The following MYRIP variants were observed in gnomAD, a reference collection of about 807,000 sequenced individuals.
MYRIP encodes the protein myosin VIIA and Rab interacting protein.
MYRIP carries 49 observed loss-of-function variants against 98.0 expected under a neutral mutation model. The ratio of observed to expected loss-of-function variants is 0.50; its 90% confidence interval spans 0.40 to 0.63. The LOEUF (loss-of-function observed/expected upper bound fraction) is 0.63, where lower values mean the gene tolerates loss of function less well. Ranked by LOEUF, MYRIP falls within the 30% of genes least tolerant of loss-of-function variation. MYRIP has a pLI of 0.00. For synonymous variants in MYRIP, 404 were observed against 409.5 expected, an observed-to-expected ratio of 0.99 and a Z score of 0.16; for missense variants, 1,004 against 1,058.2, an observed-to-expected ratio of 0.95 and a Z score of 0.71.
rs1311652858 is a variant in MYRIP, at chr3:39,872,267, C to T, written c.-30-28520C>T. 4.0e-5 allele frequency among the ~76,000 whole-genome samples: 6 copies of T among 151,678 alleles called. No individual in the cohort carries two copies. The South Asian group carries it at 1.3e-3, about 32-fold the overall frequency. On this transcript the variant is annotated intron_variant, in intron 1 of 16. Coordinates refer to ENST00000302541, the MANE Select transcript of MYRIP (RefSeq NM_015460.4). ...TACGCTTTCGGTCTGATTTTTCTTT[C>T]TTTCTTTTTTTTAAAGATCATTGTC...
chr3:40,023,610 C>T (rs1173122024), intron 2 of MYRIP, among the ~76,000 whole-genome samples: 1 of 152,124 alleles, frequency 6.6e-6, no homozygotes, highest in Non-Finnish European at 1.5e-5. Context: ...GAATGTAAAG[C>T]CGAAAAATGA....
At chr3:39,931,275 AT>A (rs925373636) in intron 2 of MYRIP, among the ~76,000 whole-genome samples, 1 of 151,384 alleles carries the variant, frequency 6.6e-6, no homozygotes, top group African/African-American at 2.4e-5. Context: ...ATACTCAGGT[AT>A]TTTTTTTCTT....
chr3:40,088,742 C>T (rs1948680850), intron 3 of MYRIP, among the ~76,000 whole-genome samples: 1 of 152,158 alleles, frequency 6.6e-6, no homozygotes, highest in Non-Finnish European at 1.5e-5. Flanking sequence ...GGGCCCAGCC[C>T]CCAGAGGGCT....
intron 2 of MYRIP, among the ~76,000 whole-genome samples, chr3:39,907,188 C>G (rs1671648358): frequency 6.6e-6 from 1 of 152,184 alleles, no homozygotes; most frequent in African/African-American, 2.4e-5. Flanking sequence ...TTCTGTGTAT[C>G]TGGCAGACAA....
chr3:40,035,189 A>G (rs1248746989), intron 2 of MYRIP, among the ~76,000 whole-genome samples: 1 of 151,778 alleles, frequency 6.6e-6, no homozygotes, highest in African/African-American at 2.4e-5. Context: ...AAACCTGCAC[A>G]TTGTGCACAT....
At chr3:39,846,687 C>G (rs1941975082) in intron 1 of MYRIP, among the ~76,000 whole-genome samples, 1 of 152,162 alleles carries the variant, frequency 6.6e-6, no homozygotes, top group Admixed American at 6.5e-5. Context: ...TAAATCCTTT[C>G]CTCTAATTCT....
At chr3:40,020,607 T>A (rs901613544) in intron 2 of MYRIP, among the ~76,000 whole-genome samples, 7 of 152,134 alleles carry the variant, frequency 4.6e-5, no homozygotes, top group Non-Finnish European at 1.0e-4. Context: ...TACTAGGAAA[T>A]CATAAGGTTT....
intron 4 of MYRIP, among the ~76,000 whole-genome samples, chr3:40,160,159 G>C (rs963909733): frequency 1.6e-4 from 25 of 152,320 alleles, no homozygotes; most frequent in Middle Eastern, 6.8e-3. Flanking sequence ...TGGTGATGTA[G>C]AGATGGGTTT....
chr3:40,182,677 C>T (rs987902614), intron 9 of MYRIP, among the ~76,000 whole-genome samples: 18 of 152,150 alleles, frequency 1.2e-4, no homozygotes, highest in Non-Finnish European at 1.6e-4. Context: ...AGTGTGTTCA[C>T]ATCACTCCAC....
chr3:39,918,371 C>T (rs1456591234), intron 2 of MYRIP, among the ~76,000 whole-genome samples: 1 of 152,170 alleles, frequency 6.6e-6, no homozygotes, highest in Non-Finnish European at 1.5e-5. Context: ...TGCCAGAGGA[C>T]CCTCTTCCCT....
intron 3 of MYRIP, among the ~76,000 whole-genome samples, chr3:40,084,136 C>CAAAAA (rs753167019): frequency 2.4e-4 from 13 of 55,074 alleles, no homozygotes; most frequent in African/African-American, 1.0e-3. Flanking sequence ...GACTCCATCT[C>CAAAAA]AAAAAAAAAA....
At chr3:39,928,293 T>G (rs1051327979) in intron 2 of MYRIP, among the ~76,000 whole-genome samples, 4 of 151,072 alleles carry the variant, frequency 2.6e-5, no homozygotes, top group Non-Finnish European at 4.4e-5. Context: ...GCAGAAAATA[T>G]AGGAGGGACT....
intron 2 of MYRIP, among the ~76,000 whole-genome samples, chr3:39,940,183 A>G (rs1944753509): frequency 6.6e-6 from 1 of 152,014 alleles, no homozygotes; most frequent in African/African-American, 2.4e-5. Flanking sequence ...ACACAATGAT[A>G]TCATTAGCTA....
intron 2 of MYRIP, among the ~76,000 whole-genome samples, chr3:39,916,408 CAAAA>C (rs34541190): frequency 1.4e-5 from 2 of 143,456 alleles, no homozygotes; most frequent in Non-Finnish European, 3.1e-5. Flanking sequence ...ATATTGAGAA[CAAAA>C]AAAAAAAAAT....
intron 9 of MYRIP, among the ~76,000 whole-genome samples, chr3:40,183,503 C>A (rs1026982755): frequency 6.6e-6 from 1 of 152,168 alleles, no homozygotes; most frequent in Non-Finnish European, 1.5e-5. Flanking sequence ...AGTCATTTTC[C>A]TAAAGTCTCA....
chr3:40,218,847 C>T (rs1464258675), intron 11 of MYRIP, among the ~76,000 whole-genome samples: 1 of 151,650 alleles, frequency 6.6e-6, no homozygotes, highest in Non-Finnish European at 1.5e-5. Context: ...ATATATTTAA[C>T]AGATTTCCAA....
chr3:39,873,436 T>A (rs549048405), intron 1 of MYRIP, among the ~76,000 whole-genome samples: 2 of 152,208 alleles, frequency 1.3e-5, no homozygotes, highest in African/African-American at 2.4e-5. Context: ...TGAATGGTAA[T>A]GCCTAGGTTT....
At chr3:40,204,910 AT>A (rs1951751670) in intron 10 of MYRIP, among the ~76,000 whole-genome samples, 1 of 152,114 alleles carries the variant, frequency 6.6e-6, no homozygotes, top group Non-Finnish European at 1.5e-5. Context: ...TCCTGCTCCA[AT>A]AGAAGCCAGC....
At chr3:40,074,773 A>G (rs1041031819) in intron 3 of MYRIP, among the ~76,000 whole-genome samples, 2 of 152,214 alleles carry the variant, frequency 1.3e-5, no homozygotes, top group African/African-American at 2.4e-5. Context: ...AAACTCAACC[A>G]TAAGAAAACA....
Sources: allele counts gnomAD v4.1 joint callset (sites outside exome capture counted in the v4.1 genomes callset), GRCh38; gene constraint gnomAD v4.1.1; transcripts MANE v1.5; gene names NCBI Gene and HGNC (gene_info 2026-07-23, HGNC 2026-07-21).